Variants in CHCHD6 observed in about 807,000 individuals in gnomAD.
CHCHD6 encodes the protein MICOS complex subunit MIC25.
In CHCHD6, 28 loss-of-function variants were observed where a neutral mutation model predicts 32.3. The ratio of observed to expected loss-of-function variants is 0.87; its 90% CI spans 0.64 to 1.19. CHCHD6 has a LOEUF of 1.19. Ranked by LOEUF, CHCHD6 falls within the 50% of genes most tolerant of loss-of-function variation. The pLI is 0.00. For missense variants in CHCHD6, 333 were observed against 307.0 expected, an observed-to-expected ratio of 1.08 and a Z score of -0.63; for synonymous variants, 122 against 117.5, an observed-to-expected ratio of 1.04 and a Z score of -0.25.
intron 4 of CHCHD6, among the ~76,000 whole-genome samples, chr3:126,777,191 T>C (rs1239001275): frequency 1.3e-5 from 2 of 152,244 alleles, no homozygotes; most frequent in Admixed American, 1.3e-4. Context: ...TCTATGTTTT[T>C]ATTTAATGGA....
chr3:126,855,022 A>G (rs1941612827), intron 5 of CHCHD6: 1 of 152,174 alleles, frequency 6.6e-6, no homozygotes, highest in Admixed American at 6.5e-5. Context: ...TGTCTGCAGT[A>G]TTTATTTCCT....
At chr3:126,767,809 CA>C (rs1196250133) in intron 4 of CHCHD6, among the ~76,000 whole-genome samples, 2 of 152,122 alleles carry the variant, frequency 1.3e-5, no homozygotes, top group Non-Finnish European at 2.9e-5. Context: ...CAAGTGTTTT[CA>C]TTGTTTAGCT....
chr3:126,755,964 G>C (rs1190331035), intron 4 of CHCHD6, among the ~76,000 whole-genome samples: 1 of 152,076 alleles, frequency 6.6e-6, no homozygotes, highest in Admixed American at 6.6e-5. Context: ...TAGGGGCAGT[G>C]TTGACCCTTT....
chr3:126,861,828 C>T (rs1368187155), intron 5 of CHCHD6, among the ~76,000 whole-genome samples: 2 of 118,540 alleles, frequency 1.7e-5, no homozygotes, highest in Non-Finnish European at 3.6e-5. Flanking sequence ...CCTCCCCTTC[C>T]TCCACCATCA....
At chr3:126,889,937 A>C (rs931646410) in intron 5 of CHCHD6, among the ~76,000 whole-genome samples, 1 of 152,138 alleles carries the variant, frequency 6.6e-6, no homozygotes, top group Admixed American at 6.5e-5. Flanking sequence ...TGGGTAGAGG[A>C]ACCATCAAAG....
At chr3:126,847,847 C>T (rs1941342657) in intron 4 of CHCHD6, among the ~76,000 whole-genome samples, 2 of 152,106 alleles carry the variant, frequency 1.3e-5, no homozygotes, top group East Asian at 1.9e-4. Flanking sequence ...CTCTGGCTTC[C>T]GTCCTCCTTC....
intron 4 of CHCHD6, among the ~76,000 whole-genome samples, chr3:126,824,038 A>G (rs1334258673): frequency 1.3e-5 from 2 of 152,142 alleles, no homozygotes; most frequent in Admixed American, 1.3e-4. Flanking sequence ...TCGCCACACC[A>G]CTGCATTCTA....
chr3:126,844,428 G>T (rs935697138), intron 4 of CHCHD6, among the ~76,000 whole-genome samples: 1 of 152,082 alleles, frequency 6.6e-6, no homozygotes, highest in East Asian at 1.9e-4. Context: ...TGTTATTCTT[G>T]AATAATTGTC....
In CHCHD6 at chr3:126,773,048, G is replaced by A. The variant is rs150997331; in HGVS notation, c.411+39826G>A. On this transcript the variant is annotated intron_variant, in intron 4 of 7. Transcript: ENST00000290913. ...CTTTTTTTTTTTCTTAAAGAATGCTGAATATAGGGCCCCAATCTCTTCTGG... is the reference window on the plus strand; with the variant it reads ...CTTTTTTTTTTTCTTAAAGAATGCTAAATATAGGGCCCCAATCTCTTCTGG... Among the ~76,000 whole-genome samples, 453 of 151,924 alleles carry A rather than the reference G, an allele frequency of 3.0e-3. 4 individuals are homozygous for A. The highest frequency in any genetic ancestry group is 0.01 in the African/African-American group (423 of 41,400).
chr3:126,801,435 A>G (rs944448800), intron 4 of CHCHD6, among the ~76,000 whole-genome samples: 1 of 152,206 alleles, frequency 6.6e-6, no homozygotes, highest in African/African-American at 2.4e-5. Context: ...GGAGGATCCT[A>G]CGCCCACGGA....
intron 4 of CHCHD6, among the ~76,000 whole-genome samples, chr3:126,807,723 T>C (rs755466154): frequency 1.3e-5 from 2 of 152,214 alleles, no homozygotes; most frequent in Non-Finnish European, 2.9e-5. Flanking sequence ...CATGAAATTT[T>C]AGAATATAAA....
intron 4 of CHCHD6, among the ~76,000 whole-genome samples, chr3:126,748,607 A>AG (rs1366255587): frequency 6.6e-6 from 1 of 151,916 alleles, no homozygotes; most frequent in Non-Finnish European, 1.5e-5. Context: ...AAAAAAAAAA[A>AG]AAAAAGAAAG....
At chr3:126,773,006 T>A (rs889891978) in intron 4 of CHCHD6, among the ~76,000 whole-genome samples, 3 of 152,188 alleles carry the variant, frequency 2.0e-5, no homozygotes, top group Non-Finnish European at 4.4e-5. Flanking sequence ...TGGCTGGATA[T>A]GAAATTCTTG....
At chr3:126,710,574 A>T (rs1304403061) in intron 1 of CHCHD6, among the ~76,000 whole-genome samples, 2 of 152,202 alleles carry the variant, frequency 1.3e-5, no homozygotes, top group Non-Finnish European at 2.9e-5. Flanking sequence ...TATACACGAA[A>T]TATCTCTTCA....
intron 1 of CHCHD6, among the ~76,000 whole-genome samples, chr3:126,710,879 A>G (rs1356896955): frequency 6.6e-6 from 1 of 152,190 alleles, no homozygotes; most frequent in Admixed American, 6.6e-5. Context: ...GTTGTTTACA[A>G]ATAAAGACTG....
At chr3:126,766,439 G>T in intron 4 of CHCHD6, 1 of 651,202 alleles carries the variant, frequency 1.5e-6, no homozygotes, top group Non-Finnish European at 2.9e-6. Context: ...GAGCATCAAA[G>T]GGTTTGGCGG....
chr3:126,908,089 C>CTT (rs72587496), intron 5 of CHCHD6, among the ~76,000 whole-genome samples: 8 of 151,696 alleles, frequency 5.3e-5, no homozygotes, highest in Non-Finnish European at 1.0e-4. Context: ...GTTGGAAAAT[C>CTT]TGCTTCAGTG....
chr3:126,955,135 G>A (rs1208454567), intron 6 of CHCHD6, among the ~76,000 whole-genome samples: 1 of 152,252 alleles, frequency 6.6e-6, no homozygotes, highest in Non-Finnish European at 1.5e-5. Flanking sequence ...GGAAGAAGCA[G>A]CCTAAAAAGC....
At chr3:126,779,070 A>G (rs760906375) in intron 4 of CHCHD6, among the ~76,000 whole-genome samples, 1 of 152,086 alleles carries the variant, frequency 6.6e-6, no homozygotes, top group Non-Finnish European at 1.5e-5. Flanking sequence ...ATTTTGATGA[A>G]GTCCAGTTTA....
Sources: allele counts gnomAD v4.1 joint callset (sites outside exome capture counted in the v4.1 genomes callset), GRCh38; gene constraint gnomAD v4.1.1; transcripts MANE v1.5; gene names NCBI Gene and HGNC (gene_info 2026-07-23, HGNC 2026-07-21).